The following CAST variants were observed in gnomAD, a reference collection of about 807,000 sequenced individuals.
CAST encodes MIR583 host.
CAST carries 76 observed loss-of-function variants against 119.6 expected under a neutral mutation model. The ratio of observed to expected loss-of-function variants is 0.64; its 90% CI spans 0.53 to 0.77. CAST has a LOEUF of 0.77. CAST is among the 30% of genes least tolerant of loss of function. CAST has a pLI of 0.00. For missense variants in CAST, 953 were observed against 946.5 expected (o/e 1.01, Z -0.09); for synonymous variants, 319 against 331.6 (o/e 0.96, Z 0.41).
chr5:96,774,150 G>GTGTT lies in CAST; in HGVS notation c.*1537_*1540dup, dbSNP rs1017178295. ...TAATCCTCCCATTTGGGCAGTATAG[G>GTGTT]TGTTTGCTTTTTTGTTTTCTTTTTT... is the stretch of plus-strand genomic sequence containing the variant. On this transcript the variant is annotated 3_prime_UTR_variant, in exon 32 of 32. Coordinates refer to ENST00000675179, the MANE Select transcript of CAST (RefSeq NM_001750.7). The GTGTT allele has an allele frequency of 2.0e-5, 3 of 153,656 alleles. No homozygotes were observed. The highest frequency in any genetic ancestry group is 4.4e-5 in the Non-Finnish European group (3 of 68,036). The allele number at this position is 153,656 out of a possible 1,614,324, so 9.5% of individuals were successfully genotyped here.
intron 1 of CAST, among the ~76,000 whole-genome samples, chr5:96,541,917 G>T (rs920942697): frequency 1.3e-5 from 2 of 152,156 alleles, no homozygotes; most frequent in African/African-American, 2.4e-5. Flanking sequence ...TTAGTAAAGT[G>T]GCTATGAAGA....
chr5:96,374,564 G>T, the CAST span, among the ~76,000 whole-genome samples: 1 of 152,140 alleles, frequency 6.6e-6, no homozygotes, highest in African/African-American at 2.4e-5. Context: ...TTCATGTGTC[G>T]ATGGGTACAG....
At chr5:96,753,546 C>T (rs1765627936) in intron 20 of CAST, among the ~76,000 whole-genome samples, 1 of 152,168 alleles carries the variant, frequency 6.6e-6, no homozygotes, top group Non-Finnish European at 1.5e-5. Flanking sequence ...TGGTCACAGG[C>T]AGAGTCATCA....
intron 1 of CAST, among the ~76,000 whole-genome samples, chr5:96,567,829 G>C (rs149365903): frequency 8.5e-4 from 129 of 152,264 alleles, no homozygotes; most frequent in Admixed American, 2.3e-3. Flanking sequence ...TGGGAATGTA[G>C]ACAGGGGATG....
intron 1 of CAST, among the ~76,000 whole-genome samples, chr5:96,608,284 T>C (rs1747297584): frequency 6.6e-6 from 1 of 152,190 alleles, no homozygotes. Flanking sequence ...ATGTCCTAGG[T>C]TTAATCCCAC....
At chr5:96,520,029 C>A in the CAST span, among the ~76,000 whole-genome samples, 1 of 152,138 alleles carries the variant, frequency 6.6e-6, no homozygotes, top group Non-Finnish European at 1.5e-5. Context: ...GTTGTCCAAC[C>A]CCTTGGCTAC....
chr5:96,583,502 G>A (rs777742354), intron 1 of CAST, among the ~76,000 whole-genome samples: 3 of 152,076 alleles, frequency 2.0e-5, no homozygotes, highest in South Asian at 2.1e-4. Context: ...GCACAATTTC[G>A]AAGTTCTGGC....
At chr5:96,315,860 G>A in the CAST span, among the ~76,000 whole-genome samples, 1 of 152,094 alleles carries the variant, frequency 6.6e-6, no homozygotes, top group South Asian at 2.1e-4. Context: ...CCATGCTGGA[G>A]TAGTCACATG....
At chr5:96,758,744 C>T (rs1004026590) in intron 24 of CAST, among the ~76,000 whole-genome samples, 4 of 152,150 alleles carry the variant, frequency 2.6e-5, no homozygotes, top group Non-Finnish European at 4.4e-5. Context: ...GTAAAAGCAC[C>T]GTGCTGCTCA....
At chr5:96,654,133 C>T (rs1016277278) in intron 1 of CAST, among the ~76,000 whole-genome samples, 24 of 151,496 alleles carry the variant, frequency 1.6e-4, no homozygotes, top group African/African-American at 5.8e-4. Flanking sequence ...AAGGAATTAT[C>T]CTGCCTCAGC....
At chr5:96,433,093 C>A in the CAST span, 3 of 1,565,546 alleles carry the variant, frequency 1.9e-6, no homozygotes, top group Non-Finnish European at 2.6e-6. Flanking sequence ...GAAAAAGAAG[C>A]AAGATAGGAG....
the CAST span, among the ~76,000 whole-genome samples, chr5:96,506,398 A>G: frequency 2.2e-4 from 34 of 152,340 alleles, no homozygotes; most frequent in African/African-American, 7.9e-4. Context: ...GTAACAATCA[A>G]ACCTATAATC....
chr5:96,552,658 G>T lies in CAST; in HGVS notation c.60+22778G>T, dbSNP rs1746156950. Among the ~76,000 whole-genome samples the T allele has an allele frequency of 3.9e-5, 6 of 152,196 alleles. 1 individual carries two copies. The South Asian group carries it at 1.0e-3, about 26-fold the overall frequency. On this transcript the variant is annotated intron_variant, in intron 1 of 11. Transcript: ENST00000505143. The stretch of plus-strand genomic sequence containing the variant: ...GGTTTTTGAAAAGATCAACAAAATA[G>T]ACTGCTAGCAAGACTAACAAGAAAA...
the CAST span, among the ~76,000 whole-genome samples, chr5:96,472,005 C>T: frequency 3.3e-5 from 5 of 152,190 alleles, no homozygotes; most frequent in South Asian, 4.1e-4. Flanking sequence ...ATTTGCTTCA[C>T]GGCTGTATAC....
the CAST span, among the ~76,000 whole-genome samples, chr5:95,984,023 C>A: frequency 2.6e-5 from 4 of 152,156 alleles, no homozygotes; most frequent in South Asian, 2.1e-4. Flanking sequence ...AACCTATACT[C>A]CTGCCCCAAC....
the CAST span, among the ~76,000 whole-genome samples, chr5:96,153,923 C>G: frequency 1.3e-5 from 2 of 152,212 alleles, no homozygotes; most frequent in South Asian, 4.1e-4. Flanking sequence ...TGCATTATAT[C>G]TGAAATATTT....
the CAST span, among the ~76,000 whole-genome samples, chr5:96,106,803 G>A: frequency 1.4e-5 from 2 of 148,118 alleles, no homozygotes; most frequent in Non-Finnish European, 3.0e-5. Context: ...TCGTTGATCT[G>A]TCTAATGTTG....
At chr5:96,108,372 T>C in the CAST span, among the ~76,000 whole-genome samples, 3 of 152,242 alleles carry the variant, frequency 2.0e-5, no homozygotes, top group Non-Finnish European at 4.4e-5. Flanking sequence ...CTTTTGGTCT[T>C]TAATGATGGT....
chr5:96,221,806 C>T, the CAST span, among the ~76,000 whole-genome samples: 1 of 152,042 alleles, frequency 6.6e-6, no homozygotes, highest in Admixed American at 6.6e-5. Flanking sequence ...TCAAAGGAAT[C>T]TTGAGCAAAA....
Sources: allele counts gnomAD v4.1 joint callset (sites outside exome capture counted in the v4.1 genomes callset), GRCh38; gene constraint gnomAD v4.1.1; transcripts MANE v1.5; gene names NCBI Gene and HGNC (gene_info 2026-07-23, HGNC 2026-07-21).